Variants in GNA11 observed in about 807,000 individuals in gnomAD.
GNA11 encodes the protein guanine nucleotide-binding protein subunit alpha-11.
Under a neutral mutation model 38.2 loss-of-function variants are expected in GNA11, and 8 were observed. The ratio of observed to expected loss-of-function variants is 0.21; its 90% confidence interval spans 0.12 to 0.38. The LOEUF is 0.38. Among genes scored for constraint, GNA11 ranks in the 10% least tolerant of loss-of-function variants. The pLI, the probability that GNA11 is intolerant of heterozygous loss-of-function variation, is 1.00. For synonymous variants in GNA11, 211 were observed against 221.4 expected, an observed-to-expected ratio of 0.95 and a Z score of 0.42; for missense variants, 268 against 516.3, an observed-to-expected ratio of 0.52 and a Z score of 4.66.
rs187964441 is a variant in GNA11, at chr19:3,114,381, A to C, written c.477-563A>C. Among the ~76,000 whole-genome samples the C allele has an allele frequency of 3.7e-3, 562 of 152,282 alleles. 7 individuals carry two copies. Among genetic ancestry groups the C allele is most frequent in the African/African-American group, 0.013 (531 of 41,580 alleles). On this transcript the variant is annotated intron_variant, in intron 3 of 6. Transcript: ENST00000078429. ...GCAGGAAAAGGCATGAGGGGAACCA[A>C]GGAAGCCGGAATCAAGCGTGGACTT...
At position 3,123,554 on chromosome 19, in the gene GNA11, G is replaced by A. The variant is rs191662016; in HGVS notation, c.*2375G>A. ...GAATCTCACCTGCCAACGATTTCTC[G>A]TGAGTGCCGACCACCTTCTCCGACC... is the stretch of plus-strand genomic sequence containing the variant. On this transcript the variant is annotated 3_prime_UTR_variant, in exon 7 of 7. Transcript: ENST00000078429. The A allele has an allele frequency of 2.6e-5, 6 of 233,220 alleles. No homozygotes were observed. The highest frequency in any genetic ancestry group is 1.1e-4 in the Admixed American group (2 of 17,808). The allele number at this position is 233,220 out of a possible 1,614,324, so 14.4% of individuals were successfully genotyped here.
Position 3,122,921 on chromosome 19 carries a change from T to G in GNA11, c.*1742T>G. Reference sequence around the variant, plus strand: ...GCTACATTTCTGGTGATCAGCCCCATGGGGAGACGGGGCTGGCGGGATACC... The same window carrying G: ...GCTACATTTCTGGTGATCAGCCCCAGGGGGAGACGGGGCTGGCGGGATACC... On this transcript the variant is annotated 3_prime_UTR_variant, in exon 7 of 7. Coordinates refer to ENST00000078429, the MANE Select transcript of GNA11 (RefSeq NM_002067.5). The surrounding 1 kb of genome is among the most constrained non-coding windows in gnomAD (Gnocchi z 7.7). The G allele has an allele frequency of 4.3e-6, 1 of 230,480 alleles. No individual in the cohort carries two copies. 14.3% of individuals were successfully genotyped at this position (230,480 alleles called of 1,614,324 possible). A position where few individuals can be genotyped will look rare whatever the true frequency, so the allele number is the denominator to read the frequency against.
chr19:3,107,310 C>T (rs1913662984), intron 1 of GNA11, among the ~76,000 whole-genome samples: 1 of 152,234 alleles, frequency 6.6e-6, no homozygotes, highest in African/African-American at 2.4e-5. Context: ...GCGTTTCAGA[C>T]TCCTTCTCGG....
chr19:3,111,786 C>T (rs572319828), intron 2 of GNA11, among the ~76,000 whole-genome samples: 6 of 152,322 alleles, frequency 3.9e-5, no homozygotes, highest in African/African-American at 9.6e-5. Context: ...GCCCAGCAGC[C>T]GTGCAGCCGT....
Position 3,102,948 on chromosome 19 carries a change from TC to T in GNA11, c.137-7196del, listed in dbSNP as rs1913541207. On this transcript the variant is annotated intron_variant, in intron 1 of 6. Coordinates refer to ENST00000078429, the MANE Select transcript of GNA11 (RefSeq NM_002067.5). ...GGGTGCTGACAAACGGTCATGTGTA[TC>T]CCCCAGGTGGGGCCCTGTGGCTCTG... Among the ~76,000 whole-genome samples, 4 of 152,150 alleles carry T rather than the reference TC, an allele frequency of 2.6e-5. No individual in the cohort carries two copies. In the South Asian group the frequency reaches 8.3e-4, roughly 32 times the overall value.
At position 3,113,243 on chromosome 19, in the gene GNA11, G is replaced by A. The variant is rs138532390; in HGVS notation, c.322-87G>A. ...CTGCGGAATGCCGCCCGGGCCAGCC[G>A]AGGCCTGGAAGAGGGGCCGTCACAA... On this transcript the variant is annotated intron_variant, in intron 2 of 6. Coordinates refer to ENST00000078429, the MANE Select transcript of GNA11 (RefSeq NM_002067.5). 6.4e-3 allele frequency: 8,455 copies of A among 1,318,620 alleles called. 42 individuals carry two copies. The highest frequency in any genetic ancestry group is 7.5e-3 in the Non-Finnish European group (6,877 of 918,516). 81.7% of individuals were successfully genotyped at this position (1,318,620 alleles called of 1,614,324 possible).
intron 1 of GNA11, among the ~76,000 whole-genome samples, chr19:3,100,184 C>T (rs1279024196): frequency 6.6e-6 from 1 of 152,186 alleles, no homozygotes; most frequent in Non-Finnish European, 1.5e-5. Context: ...GCCTCGGCTC[C>T]GTGGGTGTTT....
intron 3 of GNA11, 35 bp from the exon 4 acceptor site, chr19:3,114,909 G>T (rs761901083): frequency 6.6e-6 from 10 of 1,523,538 alleles, no homozygotes; most frequent in Non-Finnish European, 8.9e-6. Context: ...CCCCACCCCC[G>T]GCAGCCGGCC....
In GNA11 at chr19:3,121,053, C is replaced by T. The variant is rs755586030; in HGVS notation, c.954C>T (p.Pro318=). The T allele has an allele frequency of 1.4e-5, 23 of 1,613,610 alleles. No homozygotes were observed. Among genetic ancestry groups the T allele is most frequent in the African/African-American group, 2.7e-5 (2 of 74,894 alleles). The part of the protein sequence containing the change: ...FILKMFVDLN[P]DSDKIIYSHF... Reference sequence around the variant, plus strand: ...TGAAGATGTTCGTGGACCTGAACCCCGACAGCGACAAGATCATCTACTCAC... The same window carrying T: ...TGAAGATGTTCGTGGACCTGAACCCTGACAGCGACAAGATCATCTACTCAC... Residue 318 remains proline, a synonymous_variant, in exon 7 of 7, where the codon CCC becomes CCT. Transcript: ENST00000078429.
intron 1 of GNA11, among the ~76,000 whole-genome samples, chr19:3,098,633 C>T (rs190616074): frequency 1.8e-4 from 28 of 152,346 alleles, no homozygotes; most frequent in Admixed American, 1.8e-3. Context: ...CTGCGCCAGC[C>T]CCCACGGGGC....
rs2145321476 is a variant in GNA11, at chr19:3,115,152, C to T, written c.605+80C>T. 2.0e-6 allele frequency: 3 copies of T among 1,520,834 alleles called. No individual in the cohort carries two copies. In the South Asian group the frequency reaches 3.6e-5, roughly 18 times the overall value. 94.2% of individuals were successfully genotyped at this position (1,520,834 alleles called of 1,614,324 possible). On this transcript the variant is annotated intron_variant, in intron 4 of 6. Coordinates refer to ENST00000078429, the MANE Select transcript of GNA11 (RefSeq NM_002067.5). ...GGTGTGCCGGCTCATGCCTGCGCAC[C>T]CAGTGCTTTGGGAGGCCAAGGCGGG... is the stretch of plus-strand genomic sequence containing the variant.
chr19:3,095,839 G>T lies in GNA11; in HGVS notation c.136+1052G>T, dbSNP rs11668017. On this transcript the variant is annotated intron_variant, in intron 1 of 6. Coordinates refer to ENST00000078429, the MANE Select transcript of GNA11 (RefSeq NM_002067.5). Reference sequence around the variant, plus strand: ...CCCCACCTGCCGGCTCCTCCCCACCGTCCTGGAGAAGGTTTGCTGGTGAAC... The same window carrying T: ...CCCCACCTGCCGGCTCCTCCCCACCTTCCTGGAGAAGGTTTGCTGGTGAAC... Among the ~76,000 whole-genome samples, 1,435 of 152,148 alleles carry T rather than the reference G, an allele frequency of 9.4e-3. 13 individuals are homozygous for T. The highest frequency in any genetic ancestry group is 0.016 in the Non-Finnish European group (1,107 of 67,984).
chr19:3,117,642 A>C (rs959674975), intron 4 of GNA11: 4 of 152,496 alleles, frequency 2.6e-5, no homozygotes, highest in Non-Finnish European at 5.9e-5. Flanking sequence ...TCGGCCTCCC[A>C]AAGTGCTGGG....
In GNA11 at chr19:3,113,417, G is replaced by C. The variant is rs773074121; in HGVS notation, c.409G>C (p.Glu137Gln). ...CGTCAGTGCCATCAAGACCCTGTGG[G>C]AGGACCCGGGCATCCAGGAATGCTA... is the stretch of plus-strand genomic sequence containing the variant. ...QYVSAIKTLW[E>Q]DPGIQECYDR... Residue 137 changes from glutamate to glutamine, a missense_variant, in exon 3 of 7, where the codon GAG becomes CAG. Glu to Gln is a conservative substitution (Grantham distance 29). Transcript: ENST00000078429. The C allele has an allele frequency of 1.5e-5, 24 of 1,613,118 alleles. No homozygotes were observed. In the South Asian group the frequency reaches 2.5e-4, roughly 17 times the overall value.
chr19:3,107,235 G>GA (rs1389849721), intron 1 of GNA11, among the ~76,000 whole-genome samples: 1 of 152,094 alleles, frequency 6.6e-6, no homozygotes, highest in African/African-American at 2.4e-5. Context: ...GACTCCATCT[G>GA]AAAAAACAAA....
intron 1 of GNA11, among the ~76,000 whole-genome samples, chr19:3,098,274 C>T (rs991147433): frequency 1.1e-4 from 17 of 152,222 alleles, no homozygotes; most frequent in East Asian, 3.9e-4. Flanking sequence ...TTAGTGCACA[C>T]GCTGCTCCCG....
At chr19:3,106,645 G>A (rs1286176816) in intron 1 of GNA11, among the ~76,000 whole-genome samples, 6 of 48,142 alleles carry the variant, frequency 1.2e-4, no homozygotes, top group Non-Finnish European at 3.5e-4. Flanking sequence ...GTGCACATGG[G>A]TTAACATGCC....
In GNA11 at chr19:3,108,620, T is replaced by C. The variant is rs1913692193; in HGVS notation, c.137-1529T>C. On this transcript the variant is annotated intron_variant, in intron 1 of 6. Coordinates refer to ENST00000078429, the MANE Select transcript of GNA11 (RefSeq NM_002067.5). This position sits in a 1 kb window ranked among gnomAD's most constrained non-coding sequence, Gnocchi z 4.5. The stretch of plus-strand genomic sequence containing the variant: ...GCAAGGTTAATACCTGAGTAGAGAG[T>C]TGAGGCAGTCTCTTTTTAGAAATTA... Among the ~76,000 whole-genome samples the C allele has an allele frequency of 6.6e-6, 1 of 151,968 alleles. No individual in the cohort carries two copies. The highest frequency in any genetic ancestry group is 2.4e-5 in the African/African-American group (1 of 41,358).
intron 4 of GNA11, among the ~76,000 whole-genome samples, chr19:3,116,977 C>A (rs1416917606): frequency 6.6e-6 from 1 of 152,152 alleles, no homozygotes; most frequent in African/African-American, 2.4e-5. Context: ...CCAGCGCAGG[C>A]AGGGAGGATG....
Sources: allele counts gnomAD v4.1 joint callset (sites outside exome capture counted in the v4.1 genomes callset), GRCh38; gene constraint gnomAD v4.1.1; non-coding constraint Gnocchi (gnomAD v3.1); transcripts MANE v1.5; gene names NCBI Gene and HGNC (gene_info 2026-07-23, HGNC 2026-07-21).